Variants in CCDC85C observed in about 807,000 individuals in gnomAD.
The protein encoded by CCDC85C is coiled-coil domain containing 85C, also known as coiled-coil domain-containing protein 85C.
In CCDC85C, 18 loss-of-function variants were observed where a neutral mutation model predicts 38.3. The observed-to-expected ratio is 0.47, with a 90% CI of 0.33 to 0.70. CCDC85C has a LOEUF of 0.70. Ranked by LOEUF, CCDC85C falls within the 30% of genes least tolerant of loss-of-function variation. CCDC85C has a pLI of 0.03. For missense variants in CCDC85C, 566 were observed against 621.2 expected, an observed-to-expected ratio of 0.91 and a Z score of 0.94; for synonymous variants, 264 against 293.8, an observed-to-expected ratio of 0.90 and a Z score of 1.04.
intron 1 of CCDC85C, among the ~76,000 whole-genome samples, chr14:99,552,287 A>G (rs554528330): frequency 6.6e-6 from 1 of 152,334 alleles, no homozygotes; most frequent in East Asian, 1.9e-4. Flanking sequence ...CTACGGCCCA[A>G]GCATTCTGCG....
chr14:99,580,171 G>A (rs1409481303), intron 1 of CCDC85C: 2 of 453,974 alleles, frequency 4.4e-6, no homozygotes, highest in Admixed American at 2.4e-5. Flanking sequence ...ACACCCAGAG[G>A]AAGGAGAGGC....
rs1187553023 is a variant in CCDC85C, at chr14:99,509,599, A to C, written c.*5647T>G. 6.2e-6 allele frequency: 1 copy of C among 160,514 alleles called. No individual in the cohort carries two copies. Among genetic ancestry groups the C allele is most frequent in the Non-Finnish European group, 1.4e-5 (1 of 72,854 alleles). The allele number at this position is 160,514 out of a possible 1,614,324, so 9.9% of individuals were successfully genotyped here. A position where few individuals can be genotyped will look rare whatever the true frequency, so the allele number is the denominator to read the frequency against. On this transcript the variant is annotated 3_prime_UTR_variant, in exon 6 of 6. Transcript: ENST00000380243. ...CCTCTCAAGGAGGCTGCTATCTGAG[A>C]GCACACAGTGGGGTTTGATGTAGCC...
At position 99,513,244 on chromosome 14, in the gene CCDC85C, C is replaced by T. The variant is rs1282234947; in HGVS notation, c.*2002G>A. On this transcript the variant is annotated 3_prime_UTR_variant, in exon 6 of 6. Coordinates refer to ENST00000380243, the MANE Select transcript of CCDC85C (RefSeq NM_001144995.2). ...ACCCAAACATGATGCACACGGGCTC[C>T]CAGACTTGGCTGCCACTCAAAATGG... 1 of 152,174 alleles carries T rather than the reference C, an allele frequency of 6.6e-6. No individual in the cohort carries two copies. Among genetic ancestry groups the T allele is most frequent in the Non-Finnish European group, 1.5e-5 (1 of 68,046 alleles). The allele number at this position is 152,174 out of a possible 1,614,324, so 9.4% of individuals were successfully genotyped here. A position where few individuals can be genotyped will look rare whatever the true frequency, so the allele number is the denominator to read the frequency against.
At chr14:99,570,787 A>G (rs1898322198) in intron 1 of CCDC85C, among the ~76,000 whole-genome samples, 1 of 152,152 alleles carries the variant, frequency 6.6e-6, no homozygotes, top group African/African-American at 2.4e-5. Context: ...GGGCAGAAAG[A>G]GCCAGACCTA....
Position 99,502,585 on chromosome 14 carries a change from A to G in CCDC85C, c.*12661T>C. On this transcript the variant is annotated 3_prime_UTR_variant, in exon 6 of 6. Coordinates refer to ENST00000380243, the MANE Select transcript of CCDC85C (RefSeq NM_001144995.2). ...AAAATACACACCAGTGTTGCACACA[A>G]CGAAGATGGGGTGAGTTGTAAATGT... 8.3e-7 allele frequency: 1 copy of G among 1,206,672 alleles called. No individual in the cohort carries two copies. The highest frequency in any genetic ancestry group is 1.5e-5 in the South Asian group (1 of 66,252). 74.7% of individuals were successfully genotyped at this position (1,206,672 alleles called of 1,614,324 possible). A position where few individuals can be genotyped will look rare whatever the true frequency, so the allele number is the denominator to read the frequency against.
chr14:99,535,104 G>A lies in CCDC85C; in HGVS notation c.867+911C>T, dbSNP rs1420298733. On this transcript the variant is annotated intron_variant, in intron 2 of 5. Transcript: ENST00000380243. This position sits in a 1 kb window ranked among gnomAD's most constrained non-coding sequence, Gnocchi z 5.5. ...CCAGCAGCCGCCCAGTGGGCAGAGAGGGTGCCGTGGAATTCCTGAGCTGGG... is the reference window on the plus strand; with the variant it reads ...CCAGCAGCCGCCCAGTGGGCAGAGAAGGTGCCGTGGAATTCCTGAGCTGGG... 3.1e-5 allele frequency: 6 copies of A among 193,586 alleles called. No individual in the cohort carries two copies. The highest frequency in any genetic ancestry group is 5.7e-5 in the Admixed American group (1 of 17,580). 12.0% of individuals were successfully genotyped at this position (193,586 alleles called of 1,614,324 possible).
intron 1 of CCDC85C, among the ~76,000 whole-genome samples, chr14:99,552,836 T>A (rs1360761074): frequency 6.6e-6 from 1 of 152,234 alleles, no homozygotes; most frequent in East Asian, 1.9e-4. Context: ...CTGCTCACCT[T>A]GGGCAAGGCT....
In CCDC85C at chr14:99,603,247, C is replaced by A; in HGVS notation, c.713G>T (p.Gly238Val). Residue 238 changes from glycine to valine, a missense_variant, in exon 1 of 6, where the codon GGC becomes GTC. By Grantham distance (109) the Gly-to-Val change is moderately radical (BLOSUM62 -3). Transcript: ENST00000380243. The surrounding 1 kb of genome is among the most constrained non-coding windows in gnomAD (Gnocchi z 7.5). ...LPPGPHKAPD[G>V]KAGATRRSLD... ...GGACCGACGTGTGGCTCCTGCCTTG[C>A]CGTCGGGGGCCTTGTGCGGCCCGGG... 2 of 1,395,980 alleles carry A rather than the reference C, an allele frequency of 1.4e-6. No individual in the cohort carries two copies. Among genetic ancestry groups the A allele is most frequent in the Admixed American group, 3.3e-5 (1 of 30,520 alleles). 86.5% of individuals were successfully genotyped at this position (1,395,980 alleles called of 1,614,324 possible).
rs796972826 is a variant in CCDC85C at position 99,535,801 on chromosome 14, C to T, written c.867+214G>A. Among the ~76,000 whole-genome samples, 9 of 152,296 alleles carry T rather than the reference C, an allele frequency of 5.9e-5. 1 individual carries two copies. Among genetic ancestry groups the T allele is most frequent in the African/African-American group, 2.2e-4 (9 of 41,552 alleles). On this transcript the variant is annotated intron_variant, in intron 2 of 5. Transcript: ENST00000380243. The surrounding 1 kb of genome is among the most constrained non-coding windows in gnomAD (Gnocchi z 5.5). ...GGGCCAGCCCTGAGGAGCTCGCATACTGGGCAGTCAGCATGGAAGGTTGGG... is the reference window on the plus strand; with the variant it reads ...GGGCCAGCCCTGAGGAGCTCGCATATTGGGCAGTCAGCATGGAAGGTTGGG...
chr14:99,594,039 G>C (rs1349550660), intron 1 of CCDC85C, among the ~76,000 whole-genome samples: 1 of 129,466 alleles, frequency 7.7e-6, no homozygotes, highest in Non-Finnish European at 1.6e-5. Context: ...GGCGGGGGGC[G>C]GGGAGTAACT....
At position 99,506,965 on chromosome 14, in the gene CCDC85C, A is replaced by C. The variant is rs560782169; in HGVS notation, c.*8281T>G. 1.2e-5 allele frequency: 9 copies of C among 776,372 alleles called. No homozygotes were observed. Among genetic ancestry groups the C allele is most frequent in the Non-Finnish European group, 1.9e-5 (8 of 423,066 alleles). The allele number at this position is 776,372 out of a possible 1,614,324, so 48.1% of individuals were successfully genotyped here. On this transcript the variant is annotated 3_prime_UTR_variant, in exon 6 of 6. Transcript: ENST00000380243. ...TTCAAGTTCCCTTAAAGCCTTGGTC[A>C]TCTCTGTTGTTTTTCTCCCAAAGAA...
intron 1 of CCDC85C, among the ~76,000 whole-genome samples, chr14:99,587,655 G>A (rs1012048844): frequency 3.3e-5 from 5 of 152,328 alleles, no homozygotes; most frequent in African/African-American, 9.6e-5. Flanking sequence ...GGCCTGGCGT[G>A]GGGGAGAGGC....
At chr14:99,564,682 C>A (rs1898181325) in intron 1 of CCDC85C, among the ~76,000 whole-genome samples, 1 of 152,224 alleles carries the variant, frequency 6.6e-6, no homozygotes. Flanking sequence ...CTGGCTGGGG[C>A]AATCAGGAGG....
chr14:99,578,048 A>AGTGTGT (rs747729825), intron 1 of CCDC85C, among the ~76,000 whole-genome samples: 1 of 108,414 alleles, frequency 9.2e-6, no homozygotes. Context: ...ATCCCCCATC[A>AGTGTGT]GAGTGTGTGT....
intron 3 of CCDC85C, among the ~76,000 whole-genome samples, chr14:99,517,457 CT>C (rs1897245302): frequency 6.6e-6 from 1 of 152,214 alleles, no homozygotes; most frequent in African/African-American, 2.4e-5. Flanking sequence ...ACCTCTCAGG[CT>C]CCTCTACAAC....
chr14:99,565,358 C>T (rs1898195317), intron 1 of CCDC85C, among the ~76,000 whole-genome samples: 1 of 152,184 alleles, frequency 6.6e-6, no homozygotes. Context: ...TGGGTTGGCA[C>T]CCCCTGGCAT....
chr14:99,515,289 A>G lies in CCDC85C; in HGVS notation c.1217T>C (p.Ile406Thr). Reference protein sequence around the residue: ...LGDAASSKPSIRQHLSGNQFK... With the variant: ...LGDAASSKPSTRQHLSGNQFK... Reference sequence around the variant, plus strand: ...CTGGTTCCCAGACAGGTGCTGCCGTATGGAGGGCTTGGAGCTGGCTGCATC... The same window carrying G: ...CTGGTTCCCAGACAGGTGCTGCCGTGTGGAGGGCTTGGAGCTGGCTGCATC... The change falls in exon 6 of 6, where the codon ATA becomes ACA. Residue 406 changes from isoleucine to threonine, a missense_variant. By Grantham distance (89) the Ile-to-Thr change is moderately conservative (BLOSUM62 -1). This residue lies in a region of CCDC85C where 286 missense variants were observed against 276.4 expected (regional missense o/e 1.03). Transcript: ENST00000380243. The G allele has an allele frequency of 6.4e-7, 1 of 1,550,944 alleles. No individual in the cohort carries two copies. The highest frequency in any genetic ancestry group is 8.7e-7 in the Non-Finnish European group (1 of 1,146,840).
At chr14:99,537,219 C>T (rs1595349431) in intron 1 of CCDC85C, among the ~76,000 whole-genome samples, 1 of 152,168 alleles carries the variant, frequency 6.6e-6, no homozygotes, top group Admixed American at 6.5e-5. Context: ...GACGCAGGGT[C>T]TTCCCAGATT....
rs957041147 is a variant in CCDC85C, at chr14:99,516,131, T to G, written c.1170+57A>C. ...TGGGGAAGGGTATGGCCATGCTGGG[T>G]GGCCCTGGTCGCACTCCCAGTGCCA... On this transcript the variant is annotated intron_variant, in intron 5 of 5. Coordinates refer to ENST00000380243, the MANE Select transcript of CCDC85C (RefSeq NM_001144995.2). This position sits in a 1 kb window ranked among gnomAD's most constrained non-coding sequence, Gnocchi z 5.5. 1.5e-6 allele frequency: 2 copies of G among 1,308,430 alleles called. No homozygotes were observed. Among genetic ancestry groups the G allele is most frequent in the Non-Finnish European group, 2.2e-6 (2 of 927,354 alleles). 81.1% of individuals were successfully genotyped at this position (1,308,430 alleles called of 1,614,324 possible). A position where few individuals can be genotyped will look rare whatever the true frequency, so the allele number is the denominator to read the frequency against.
Sources: allele counts gnomAD v4.1 joint callset (sites outside exome capture counted in the v4.1 genomes callset), GRCh38; gene constraint gnomAD v4.1.1; regional missense constraint gnomAD v4.1.1; non-coding constraint Gnocchi (gnomAD v3.1); transcripts MANE v1.5; gene names NCBI Gene and HGNC (gene_info 2026-07-23, HGNC 2026-07-21).